Variants in DNAAF11 observed in about 807,000 individuals in gnomAD.
DNAAF11 encodes the protein dynein axonemal assembly factor 11.
A neutral mutation model predicts 60.8 loss-of-function variants in DNAAF11; 45 were observed. The observed-to-expected ratio is 0.74, with a 90% confidence interval of 0.58 to 0.95. The LOEUF (loss-of-function observed/expected upper bound fraction) is 0.95. Among genes scored for constraint, DNAAF11 ranks in the 40% least tolerant of loss-of-function variants. DNAAF11 has a pLI of 0.00. For synonymous variants in DNAAF11, 191 were observed against 183.5 expected, an observed-to-expected ratio of 1.04 and a Z score of -0.33; for missense variants, 546 against 546.2, an observed-to-expected ratio of 1.00 and a Z score of 0.00.
intron 1 of DNAAF11, among the ~76,000 whole-genome samples, chr8:132,674,945 A>G (rs891412316): frequency 6.6e-6 from 1 of 152,200 alleles, no homozygotes; most frequent in Non-Finnish European, 1.5e-5. Flanking sequence ...CAGTAGTATG[A>G]TTGCCATTAT....
the DNAAF11 span, among the ~76,000 whole-genome samples, chr8:132,680,681 T>A: frequency 3.3e-5 from 5 of 151,948 alleles, no homozygotes; most frequent in African/African-American, 1.2e-4. Flanking sequence ...CCTGTTCCCT[T>A]ATCCCTTTTT....
chr8:132,642,134 A>G (rs1404162452), intron 3 of DNAAF11, among the ~76,000 whole-genome samples: 1 of 152,262 alleles, frequency 6.6e-6, no homozygotes, highest in Non-Finnish European at 1.5e-5. Context: ...ATAGAAAACT[A>G]AGATATAAGT....
intron 10 of DNAAF11, among the ~76,000 whole-genome samples, chr8:132,593,607 C>G (rs1816704233): frequency 6.6e-6 from 1 of 151,212 alleles, no homozygotes; most frequent in African/African-American, 2.4e-5. Flanking sequence ...AAATAATAGA[C>G]AAAATGATCA....
At chr8:132,694,534 C>A in the DNAAF11 span, among the ~76,000 whole-genome samples, 1 of 152,168 alleles carries the variant, frequency 6.6e-6, no homozygotes, top group African/African-American at 2.4e-5. Flanking sequence ...TTGTTTAAGC[C>A]ACTCAGTTTA....
the DNAAF11 span, among the ~76,000 whole-genome samples, chr8:132,686,145 C>T: frequency 6.6e-6 from 1 of 152,092 alleles, no homozygotes; most frequent in Admixed American, 6.6e-5. Context: ...CAAAGAAGGT[C>T]ATCAAATGTC....
At chr8:132,638,694 A>C (rs1821554976) in intron 3 of DNAAF11, among the ~76,000 whole-genome samples, 1 of 152,228 alleles carries the variant, frequency 6.6e-6, no homozygotes, top group African/African-American at 2.4e-5. Flanking sequence ...GTGAAGAATA[A>C]GACGTTTTGA....
At chr8:132,691,849 G>A in the DNAAF11 span, among the ~76,000 whole-genome samples, 2 of 152,098 alleles carry the variant, frequency 1.3e-5, no homozygotes, top group Non-Finnish European at 2.9e-5. Context: ...CCAGAGGAAG[G>A]CCCATGTGGC....
chr8:132,645,812 A>T (rs566939569), intron 3 of DNAAF11, among the ~76,000 whole-genome samples: 299 of 152,312 alleles, frequency 2.0e-3, no homozygotes, highest in African/African-American at 7.0e-3. Context: ...AAATGAACAA[A>T]TCCTCCAAGA....
intron 1 of DNAAF11, among the ~76,000 whole-genome samples, chr8:132,674,130 GAGGAGA>G (rs1563725977): frequency 1.5e-5 from 2 of 132,232 alleles, no homozygotes; most frequent in Non-Finnish European, 1.7e-5. Flanking sequence ...GGAGGAGGAG[GAGGAGA>G]AGGAGGAGGA....
upstream of DNAAF11, among the ~76,000 whole-genome samples, chr8:132,676,062 G>C (rs568647822): frequency 6.6e-6 from 1 of 152,218 alleles, no homozygotes; most frequent in African/African-American, 2.4e-5. Flanking sequence ...AAAACAACAG[G>C]CTCACTATAA....
At position 132,654,969 on chromosome 8, in the gene DNAAF11, A is replaced by AAAG. The variant is rs575305584; in HGVS notation, c.256+1860_256+1861insCTT. On this transcript the variant is annotated intron_variant, in intron 3 of 11. Coordinates refer to ENST00000620350, the MANE Select transcript of DNAAF11 (RefSeq NM_012472.6). Reference sequence around the variant, plus strand: ...CAATAGACAAAATCAACAAAATCAAAAGTTGGTTCTTTGAAAAGATTGACC... The same window carrying AAAG: ...CAATAGACAAAATCAACAAAATCAAAAAGAGTTGGTTCTTTGAAAAGATTGACC... Among the ~76,000 whole-genome samples the AAAG allele has an allele frequency of 2.1e-3, 314 of 152,130 alleles. 2 individuals are homozygous for AAAG. The highest frequency in any genetic ancestry group is 7.2e-3 in the African/African-American group (298 of 41,574).
At chr8:132,590,108 G>A (rs947098198) in intron 10 of DNAAF11, among the ~76,000 whole-genome samples, 1 of 152,150 alleles carries the variant, frequency 6.6e-6, no homozygotes, top group Admixed American at 6.5e-5. Flanking sequence ...TAAATCACAG[G>A]AAGATAGAAC....
chr8:132,616,237 G>C (rs545336374), intron 7 of DNAAF11, among the ~76,000 whole-genome samples: 1 of 152,118 alleles, frequency 6.6e-6, no homozygotes, highest in Non-Finnish European at 1.5e-5. Context: ...TTGCAGGTGG[G>C]TGAGGTCATG....
At position 132,586,694 on chromosome 8, in the gene DNAAF11, G is replaced by C. The variant is rs142193390; in HGVS notation, c.1141-2915C>G. 3.8e-3 allele frequency among the ~76,000 whole-genome samples: 584 copies of C among 152,228 alleles called. 11 individuals carry two copies. The highest frequency in any genetic ancestry group is 0.014 in the African/African-American group (566 of 41,532). On this transcript the variant is annotated intron_variant, in intron 10 of 11. Transcript: ENST00000620350. ...ACCTCTCTGATCAATGTGAGATCTA[G>C]AGGATACTCCCCTGTGCCTGATTTG...
Position 132,667,622 on chromosome 8 carries a change from A to G in DNAAF11, c.11-5995T>C, listed in dbSNP as rs201128176. Among the ~76,000 whole-genome samples the G allele has an allele frequency of 4.6e-5, 7 of 152,354 alleles. No individual in the cohort carries two copies. The East Asian group carries it at 9.6e-4, about 21-fold the overall frequency. On this transcript the variant is annotated intron_variant, in intron 1 of 11. Transcript: ENST00000620350. ...GATGCAGATGGTTGAGTGCTAACCA[A>G]TATCTGTCTGACTGGAGAAATAAGC...
chr8:132,675,358 T>G, intron 1 of DNAAF11, 126 bp downstream of exon 1: 2 of 1,050,266 alleles, frequency 1.9e-6, no homozygotes, highest in African/African-American at 1.6e-5. Context: ...CCGGGTGGGG[T>G]TAGGGTCCGC....
chr8:132,581,122 C>T (rs986795042), intron 11 of DNAAF11, among the ~76,000 whole-genome samples: 11 of 152,140 alleles, frequency 7.2e-5, no homozygotes, highest in East Asian at 3.8e-4. Context: ...AATTGTCATA[C>T]TTTAAACAAA....
At chr8:132,630,005 AATAGAG>A (rs1820646763) in intron 5 of DNAAF11, among the ~76,000 whole-genome samples, 1 of 152,218 alleles carries the variant, frequency 6.6e-6, no homozygotes, top group African/African-American at 2.4e-5. Flanking sequence ...GATCTAAATA[AATAGAG>A]CTCTTCCAAG....
At chr8:132,582,431 T>C (rs1815436133) in intron 11 of DNAAF11, among the ~76,000 whole-genome samples, 1 of 152,244 alleles carries the variant, frequency 6.6e-6, no homozygotes, top group Non-Finnish European at 1.5e-5. Context: ...CTGTTTGCAA[T>C]GATTTGGCTT....
Sources: allele counts gnomAD v4.1 joint callset (sites outside exome capture counted in the v4.1 genomes callset), GRCh38; gene constraint gnomAD v4.1.1; transcripts MANE v1.5; gene names NCBI Gene and HGNC (gene_info 2026-07-23, HGNC 2026-07-21).